Variants in DIP2B observed in about 807,000 individuals in gnomAD.
DIP2B encodes DIP2 acetate--CoA ligase B (putative).
In DIP2B, 76 loss-of-function variants were observed where a neutral mutation model predicts 198.0. The ratio of observed to expected loss-of-function variants is 0.38; its 90% CI spans 0.32 to 0.46. The LOEUF (loss-of-function observed/expected upper bound fraction) is 0.46. Among genes scored for constraint, DIP2B ranks in the 20% least tolerant of loss-of-function variants. DIP2B has a pLI of 0.99. For synonymous variants in DIP2B, 701 were observed against 739.1 expected (o/e 0.95, Z 0.84); for missense variants, 1,559 against 1,978.4 (o/e 0.79, Z 4.02).
chr12:50,664,722 A>G (rs138900817), intron 4 of DIP2B, among the ~76,000 whole-genome samples: 16 of 151,498 alleles, frequency 1.1e-4, no homozygotes, highest in African/African-American at 3.9e-4. Context: ...ACAGTAAGCT[A>G]TTTCAACTAG....
At chr12:50,711,628 C>T (rs1939617970) in intron 22 of DIP2B, among the ~76,000 whole-genome samples, 1 of 152,168 alleles carries the variant, frequency 6.6e-6, no homozygotes, top group African/African-American at 2.4e-5. Flanking sequence ...GTGGCACGAT[C>T]TCGGCTCACT....
At chr12:50,712,061 G>A (rs1183597436) in intron 22 of DIP2B, among the ~76,000 whole-genome samples, 1 of 152,130 alleles carries the variant, frequency 6.6e-6, no homozygotes, top group Non-Finnish European at 1.5e-5. Flanking sequence ...CCACTTACTT[G>A]AGAGGCTGGG....
intron 1 of DIP2B, among the ~76,000 whole-genome samples, chr12:50,568,151 T>G (rs1958582200): frequency 6.6e-6 from 1 of 152,214 alleles, no homozygotes; most frequent in Admixed American, 6.5e-5. Flanking sequence ...GCCTAAGCAC[T>G]AATCAGGTCT....
intron 1 of DIP2B, among the ~76,000 whole-genome samples, chr12:50,611,064 C>T (rs1267984033): frequency 6.6e-6 from 1 of 152,150 alleles, no homozygotes; most frequent in Non-Finnish European, 1.5e-5. Context: ...TCCTAAAGTG[C>T]TGGGATTACA....
At chr12:50,615,848 C>G (rs896913858) in intron 1 of DIP2B, among the ~76,000 whole-genome samples, 17 of 152,342 alleles carry the variant, frequency 1.1e-4, no homozygotes, top group African/African-American at 3.8e-4. Flanking sequence ...GAACCCAGAT[C>G]TGTTTCATGC....
chr12:50,505,485 C>T (rs2139332051), intron 1 of DIP2B, among the ~76,000 whole-genome samples: 1 of 152,336 alleles, frequency 6.6e-6, no homozygotes, highest in Non-Finnish European at 1.5e-5. Flanking sequence ...CCCGGGCCCA[C>T]ACTGCTTCTG....
chr12:50,585,505 G>C (rs1188871783), intron 1 of DIP2B, among the ~76,000 whole-genome samples: 8 of 152,182 alleles, frequency 5.3e-5, no homozygotes, highest in Admixed American at 4.6e-4. Flanking sequence ...GTGAATGTTG[G>C]GGGGAAGAGT....
intron 1 of DIP2B, among the ~76,000 whole-genome samples, chr12:50,582,145 GTT>G (rs367699036): frequency 0.043 from 3,359 of 77,324 alleles, 123 homozygotes; most frequent in East Asian, 0.25. Flanking sequence ...CTTTTTTTCT[GTT>G]TTTTTTTTTT....
rs73119165 is a variant in DIP2B, at chr12:50,629,966, T to A, written c.172+3919T>A. Among the ~76,000 whole-genome samples the A allele has an allele frequency of 2.3e-3, 341 of 147,398 alleles. 2 individuals carry two copies. The highest frequency in any genetic ancestry group is 3.5e-3 in the Middle Eastern group (1 of 286). The stretch of plus-strand genomic sequence containing the variant: ...AATTTAATTTTTTTTTTTTTTTTTT[T>A]AATGAGACAGTCCTTGCTCTGTCGC... On this transcript the variant is annotated intron_variant, in intron 2 of 37. Coordinates refer to ENST00000301180, the MANE Select transcript of DIP2B (RefSeq NM_173602.3).
At chr12:50,514,669 T>C (rs1259453281) in intron 1 of DIP2B, among the ~76,000 whole-genome samples, 1 of 152,144 alleles carries the variant, frequency 6.6e-6, no homozygotes, top group Non-Finnish European at 1.5e-5. Flanking sequence ...CTTCAGCCTA[T>C]ACATTATGTT....
At chr12:50,529,013 G>A (rs994646968) in intron 1 of DIP2B, among the ~76,000 whole-genome samples, 1 of 152,122 alleles carries the variant, frequency 6.6e-6, no homozygotes, top group African/African-American at 2.4e-5. Context: ...GGAGGAAATG[G>A]GTAAGTTTCA....
chr12:50,628,372 A>AAAAT (rs568896946), intron 2 of DIP2B, among the ~76,000 whole-genome samples: 17 of 152,174 alleles, frequency 1.1e-4, no homozygotes, highest in Admixed American at 3.3e-4. Context: ...CTCCGTCTCA[A>AAAAT]AAATAAATAA....
chr12:50,699,101 C>G lies in DIP2B; in HGVS notation c.2224C>G (p.Gln742Glu). The G allele has an allele frequency of 6.2e-7, 1 of 1,614,116 alleles. No individual in the cohort carries two copies. The highest frequency in any genetic ancestry group is 8.5e-7 in the Non-Finnish European group (1 of 1,180,006). The change falls in exon 19 of 38, where the codon CAG (glutamine) becomes GAG (glutamate). Residue 742 changes from glutamine (Q) to glutamate (E), a missense_variant. Physicochemically the swap from Gln to Glu is conservative, Grantham distance 29. Coordinates refer to ENST00000301180, the MANE Select transcript of DIP2B (RefSeq NM_173602.3). ...MCIVKPDGPP[Q>E]LCKTDEIGEI... is the part of the protein sequence containing the mutation. ...CATTGTGAAACCAGATGGACCTCCC[C>G]AGCTCTGCAAAACAGATGAAATTGG...
intron 1 of DIP2B, among the ~76,000 whole-genome samples, chr12:50,567,314 T>C (rs1182263113): frequency 1.3e-5 from 2 of 152,216 alleles, no homozygotes; most frequent in African/African-American, 2.4e-5. Context: ...ACAGATTTTA[T>C]TGAGATTTTT....
intron 1 of DIP2B, among the ~76,000 whole-genome samples, chr12:50,509,055 A>G (rs2139336435): frequency 6.6e-6 from 1 of 152,292 alleles, no homozygotes; most frequent in Admixed American, 6.5e-5. Flanking sequence ...TTTCAAATCC[A>G]TCACTTATGC....
intron 1 of DIP2B, among the ~76,000 whole-genome samples, chr12:50,510,897 G>A (rs368390878): frequency 9.3e-5 from 14 of 151,262 alleles, no homozygotes; most frequent in African/African-American, 3.4e-4. Context: ...CGCCCACCTC[G>A]GCCTCCCAAA....
intron 4 of DIP2B, among the ~76,000 whole-genome samples, chr12:50,667,421 C>G (rs1405072218): frequency 6.6e-6 from 1 of 152,118 alleles, no homozygotes; most frequent in African/African-American, 2.4e-5. Context: ...TGATAAATTT[C>G]TATTATTTAA....
chr12:50,646,132 TA>T (rs1166209243), intron 3 of DIP2B, among the ~76,000 whole-genome samples: 2 of 152,142 alleles, frequency 1.3e-5, no homozygotes, highest in Non-Finnish European at 2.9e-5. Context: ...TATTTTATTT[TA>T]TTTTTTTTGA....
chr12:50,698,227 T>G, intron 17 of DIP2B, 101 bp from the exon 18 acceptor site: 1 of 1,418,988 alleles, frequency 7.0e-7, no homozygotes, highest in Non-Finnish European at 9.4e-7. Flanking sequence ...AATGGAGAAT[T>G]TTTTTGGTAT....
Sources: allele counts gnomAD v4.1 joint callset (sites outside exome capture counted in the v4.1 genomes callset), GRCh38; gene constraint gnomAD v4.1.1; transcripts MANE v1.5; gene names NCBI Gene and HGNC (gene_info 2026-07-23, HGNC 2026-07-21).